Variants in FBN1 observed in about 807,000 individuals in gnomAD.
FBN1 encodes the protein fibrillin-1.
In FBN1, 29 loss-of-function variants were observed where a neutral mutation model predicts 365.1. The observed-to-expected ratio is 0.08, with a 90% CI of 0.06 to 0.11. The LOEUF (loss-of-function observed/expected upper bound fraction) is 0.11, where lower values mean the gene tolerates loss of function less well. FBN1 is among the 10% of genes least tolerant of loss of function. The pLI is 1.00. For synonymous variants in FBN1, 1,210 were observed against 1,270.5 expected, an observed-to-expected ratio of 0.95 and a Z score of 1.01; for missense variants, 2,476 against 3,703.2, an observed-to-expected ratio of 0.67 and a Z score of 8.60.
At chr15:48,450,580 A>G (rs1017878717) in intron 45 of FBN1, among the ~76,000 whole-genome samples, 1 of 152,210 alleles carries the variant, frequency 6.6e-6, no homozygotes, top group Non-Finnish European at 1.5e-5. Context: ...ACAAGGAAGT[A>G]GCTGGGAAGA....
intron 6 of FBN1, among the ~76,000 whole-genome samples, chr15:48,591,231 C>T (rs1049322857): frequency 4.6e-5 from 7 of 152,076 alleles, no homozygotes; most frequent in Non-Finnish European, 5.9e-5. Context: ...TGATTACCCA[C>T]TGTAGTCACT....
intron 65 of FBN1, among the ~76,000 whole-genome samples, chr15:48,412,045 C>A (rs74901063): frequency 2.0e-5 from 3 of 152,230 alleles, no homozygotes; most frequent in Non-Finnish European, 2.9e-5. Flanking sequence ...GGCCCAGAGC[C>A]AGAGGTCTGG....
chr15:48,488,839 A>G (rs1208895461), intron 25 of FBN1, among the ~76,000 whole-genome samples: 1 of 152,216 alleles, frequency 6.6e-6, no homozygotes, highest in Admixed American at 6.5e-5. Flanking sequence ...TTTAAAGCAC[A>G]TAGAACATTA....
At chr15:48,581,274 CA>C (rs1331317512) in intron 6 of FBN1, among the ~76,000 whole-genome samples, 14 of 152,124 alleles carry the variant, frequency 9.2e-5, no homozygotes, top group African/African-American at 2.9e-4. Flanking sequence ...ACAGAAACTG[CA>C]AATCTCCTGA....
chr15:48,429,848 T>C (rs1597519899), intron 56 of FBN1, among the ~76,000 whole-genome samples: 2 of 152,252 alleles, frequency 1.3e-5, no homozygotes, highest in African/African-American at 2.4e-5. Context: ...TATATCTTTA[T>C]AATACCATTT....
chr15:48,538,419 G>T (rs2044031008), intron 6 of FBN1, among the ~76,000 whole-genome samples: 1 of 152,098 alleles, frequency 6.6e-6, no homozygotes, highest in African/African-American at 2.4e-5. Flanking sequence ...TTAAAATTTT[G>T]TCCATGCAAA....
intron 55 of FBN1, 71 bp from the exon 56 acceptor site, chr15:48,430,873 A>G: frequency 1.3e-6 from 2 of 1,504,114 alleles, no homozygotes; most frequent in South Asian, 2.3e-5. Flanking sequence ...CTGACTTTTA[A>G]ACATAAAATG....
intron 6 of FBN1, among the ~76,000 whole-genome samples, chr15:48,556,075 C>T (rs1330634366): frequency 1.3e-5 from 2 of 152,152 alleles, no homozygotes; most frequent in Non-Finnish European, 2.9e-5. Context: ...TACACCATCC[C>T]AGGGGAAAAT....
At chr15:48,576,777 C>G (rs1397252734) in intron 6 of FBN1, among the ~76,000 whole-genome samples, 1 of 152,080 alleles carries the variant, frequency 6.6e-6, no homozygotes, top group African/African-American at 2.4e-5. Context: ...AATGTCTGCC[C>G]TCATGGAGTT....
In FBN1 at chr15:48,441,774, T is replaced by C. The variant is rs556131403; in HGVS notation, c.6110A>G (p.Lys2037Arg). 3.0e-5 allele frequency: 49 copies of C among 1,613,772 alleles called. No individual in the cohort carries two copies. The South Asian group carries it at 4.8e-4, about 16-fold the overall frequency. ...GTCSNTEGSF[K>R]CLCPEGFSLS... is the part of the protein sequence containing the mutation. ...GGAAAACCCTTCTGGACACAGACAT[T>C]TGAAGCTGCCTTCAGTGTTACTGCA... The change falls in exon 50 of 66, where the codon AAA becomes AGA. Residue 2037 changes from lysine to arginine, a missense_variant. Coordinates refer to ENST00000316623, the MANE Select transcript of FBN1 (RefSeq NM_000138.5).
rs2043211728 is a variant in FBN1, at chr15:48,452,810, T to C, written c.5423-126A>G. The C allele has an allele frequency of 4.7e-6, 5 of 1,072,812 alleles. No individual in the cohort carries two copies. The African/African-American group carries it at 4.7e-5, about 10-fold the overall frequency. The allele number at this position is 1,072,812 out of a possible 1,614,324, so 66.5% of individuals were successfully genotyped here. ...TTCTATTGAAAAGACAACATAGATG[T>C]GTACAGCAGCTTTATTTATTGCCAG... On this transcript the variant is annotated intron_variant, in intron 44 of 65. Coordinates refer to ENST00000316623, the MANE Select transcript of FBN1 (RefSeq NM_000138.5).
intron 6 of FBN1, among the ~76,000 whole-genome samples, chr15:48,568,393 T>G (rs2044277800): frequency 6.6e-6 from 1 of 152,248 alleles, no homozygotes; most frequent in Non-Finnish European, 1.5e-5. Context: ...GCATTCCATG[T>G]TCACAGAATG....
In FBN1 at chr15:48,445,434, A is replaced by G. The variant is rs2043151177; in HGVS notation, c.5859T>C (p.Ser1953=). 1 of 1,612,846 alleles carries G rather than the reference A, an allele frequency of 6.2e-7. No homozygotes were observed. Among genetic ancestry groups the G allele is most frequent in the Non-Finnish European group, 8.5e-7 (1 of 1,179,218 alleles). The change falls in exon 48 of 66, where the codon TCT becomes TCC. Residue 1953 remains serine (S), a synonymous_variant. Coordinates refer to ENST00000316623, the MANE Select transcript of FBN1 (RefSeq NM_000138.5). ...RNGQCINTVG[S]FQCQCNEGYE... is the part of the protein sequence containing the mutation. ...AGCCTTCATTGCACTGGCACTGGAA[A>G]GACCCCACTGTATTAATGCATTGGC... is the stretch of plus-strand genomic sequence containing the variant.
rs547795993 is a variant in FBN1 at position 48,630,650 on chromosome 15, C to A, written c.164+13956G>T. ...TTTTTTTCCCAGGAAGTCGGTAGAG[C>A]ACAGAAAATACCCGGTATTTGCAGT... On this transcript the variant is annotated intron_variant, in intron 2 of 65. Transcript: ENST00000316623. 2.1e-5 allele frequency among the ~76,000 whole-genome samples: 3 copies of A among 141,630 alleles called. No homozygotes were observed. In the South Asian group the frequency reaches 6.6e-4, roughly 31 times the overall value. The allele number at this position is 141,630 out of a possible 152,430, so 92.9% of individuals were successfully genotyped here.
chr15:48,504,052 G>A, intron 16 of FBN1, 113 bp from the exon 17 acceptor site: 2 of 1,286,934 alleles, frequency 1.6e-6, no homozygotes, highest in African/African-American at 1.5e-5. Flanking sequence ...TAACTCACAG[G>A]GAATGCCTCT....
In FBN1 at chr15:48,463,260, A is replaced by T. The variant is rs1393873260; in HGVS notation, c.5066-20T>A. 1.2e-6 allele frequency: 2 copies of T among 1,613,338 alleles called. No homozygotes were observed. The highest frequency in any genetic ancestry group is 2.7e-5 in the African/African-American group (2 of 74,870). ...TCATATCTAGAAGGGAGGTAAAAAA[A>T]AGGATTGGAGGGTTGGTGATGCCAT... On this transcript the variant is annotated intron_variant, in intron 41 of 65. Coordinates refer to ENST00000316623, the MANE Select transcript of FBN1 (RefSeq NM_000138.5).
At chr15:48,558,049 A>G (rs2044195417) in intron 6 of FBN1, among the ~76,000 whole-genome samples, 1 of 152,178 alleles carries the variant, frequency 6.6e-6, no homozygotes, top group Admixed American at 6.6e-5. Context: ...AGGCATAAAT[A>G]ATAATCAGCA....
At chr15:48,450,510 G>A (rs1381426249) in intron 45 of FBN1, among the ~76,000 whole-genome samples, 1 of 152,170 alleles carries the variant, frequency 6.6e-6, no homozygotes, top group Non-Finnish European at 1.5e-5. Context: ...TGGGATAGGA[G>A]GTCTGAACAG....
chr15:48,414,625 A>G (rs550824035), intron 64 of FBN1, among the ~76,000 whole-genome samples: 2 of 152,172 alleles, frequency 1.3e-5, no homozygotes, highest in South Asian at 4.2e-4. Flanking sequence ...GGCCGGGTAC[A>G]GTGGCTCTCG....
Sources: allele counts gnomAD v4.1 joint callset (sites outside exome capture counted in the v4.1 genomes callset), GRCh38; gene constraint gnomAD v4.1.1; transcripts MANE v1.5; gene names NCBI Gene and HGNC (gene_info 2026-07-23, HGNC 2026-07-21).